Variants in PLB1 observed in about 807,000 individuals in gnomAD.
PLB1 encodes phospholipase B1.
PLB1 carries 242 observed loss-of-function variants against 227.4 expected under a neutral mutation model. The observed-to-expected ratio is 1.06, with a 90% CI of 0.96 to 1.18. The LOEUF is 1.18. Among genes scored for constraint, PLB1 ranks in the 50% most tolerant of loss-of-function variants. PLB1 has a pLI of 0.00. For synonymous variants in PLB1, 757 were observed against 682.2 expected, an observed-to-expected ratio of 1.11 and a Z score of -1.71; for missense variants, 1,858 against 1,816.3, an observed-to-expected ratio of 1.02 and a Z score of -0.42.
At chr2:28,619,204 A>G (rs72795524) in intron 46 of PLB1, among the ~76,000 whole-genome samples, 2,116 of 152,124 alleles carry the variant, frequency 0.014, 19 homozygotes, top group Non-Finnish European at 0.022. Context: ...CACACCCTCC[A>G]CTGTCTGATA....
intron 6 of PLB1, among the ~76,000 whole-genome samples, chr2:28,528,102 G>A (rs1405927422): frequency 1.3e-5 from 2 of 152,200 alleles, no homozygotes; most frequent in Non-Finnish European, 2.9e-5. Flanking sequence ...TCACCCACGA[G>A]TTAGGAGGCT....
chr2:28,599,943 C>G lies in PLB1; in HGVS notation c.2475-866C>G, dbSNP rs148817453. Among the ~76,000 whole-genome samples, 520 of 152,136 alleles carry G rather than the reference C, an allele frequency of 3.4e-3. 3 individuals are homozygous for G. Among genetic ancestry groups the G allele is most frequent in the African/African-American group, 0.012 (491 of 41,488 alleles). On this transcript the variant is annotated intron_variant, in intron 35 of 57. Transcript: ENST00000327757. ...TTTGTTTTTAAGATGGGGTTTCACT[C>G]TGTCACCTAGGCTGAGTGCTATGGC...
In PLB1 at chr2:28,541,737, A is replaced by G. The variant is rs146975263; in HGVS notation, c.805A>G (p.Arg269Gly). ...CTGGAACAGCCTCCTGGCCTCCAGC[A>G]GGTACAGTGAGCAGGAGTCCTTCAC... is the stretch of plus-strand genomic sequence containing the variant. Reference protein sequence around the residue: ...EAWNSLLASSRYSEQESFTVV... With the variant: ...EAWNSLLASSGYSEQESFTVV... The change falls in exon 13 of 58, where the codon AGG (arginine) becomes GGG (glycine). Residue 269 changes from arginine (R) to glycine (G), a missense_variant. By Grantham distance (125) the Arg-to-Gly change is moderately radical (BLOSUM62 -2). Coordinates refer to ENST00000327757, the MANE Select transcript of PLB1 (RefSeq NM_153021.5). 497 of 1,614,030 alleles carry G rather than the reference A, an allele frequency of 3.1e-4. No individual in the cohort carries two copies. The highest frequency in any genetic ancestry group is 3.8e-4 in the Non-Finnish European group (445 of 1,179,988).
intron 35 of PLB1, 142 bp downstream of exon 35, chr2:28,598,902 C>A: frequency 2.8e-6 from 2 of 708,836 alleles, no homozygotes; most frequent in Non-Finnish European, 5.0e-6. Context: ...TCCCTGCTGC[C>A]CCTGTGACGA....
intron 25 of PLB1, among the ~76,000 whole-genome samples, chr2:28,583,869 A>G (rs1680473693): frequency 6.6e-6 from 1 of 152,140 alleles, no homozygotes. Context: ...AAAATCTGAA[A>G]TCTGAAATGC....
chr2:28,642,054 A>G (rs1392358205), intron 57 of PLB1, among the ~76,000 whole-genome samples: 1 of 152,098 alleles, frequency 6.6e-6, no homozygotes, highest in African/African-American at 2.4e-5. Context: ...TCCATCTGCT[A>G]TGAGAACATC....
chr2:28,540,969 A>G lies in PLB1; in HGVS notation c.774+528A>G, dbSNP rs141873167. On this transcript the variant is annotated intron_variant, in intron 12 of 57. Coordinates refer to ENST00000327757, the MANE Select transcript of PLB1 (RefSeq NM_153021.5). ...GCAGATCACTTGAGGTCAGGAGTTC[A>G]AGACCAGTCTGGGCAACATAGTGAA... is the stretch of plus-strand genomic sequence containing the variant. 7.3e-3 allele frequency among the ~76,000 whole-genome samples: 1,112 copies of G among 152,214 alleles called. 16 individuals are homozygous for G. The highest frequency in any genetic ancestry group is 0.025 in the African/African-American group (1,058 of 41,524).
intron 55 of PLB1, 81 bp downstream of exon 55, chr2:28,632,221 CT>C (rs3071742): frequency 0.15 from 125,669 of 854,550 alleles, 2,314 homozygotes; most frequent in African/African-American, 0.33. Flanking sequence ...TCTAAGTGGG[CT>C]TTTTTTTTTT....
intron 6 of PLB1, among the ~76,000 whole-genome samples, chr2:28,527,320 A>C (rs1670402752): frequency 6.6e-6 from 1 of 152,204 alleles, no homozygotes; most frequent in Non-Finnish European, 1.5e-5. Context: ...AAGCCCTCCG[A>C]GGCAGGCCTT....
Position 28,591,766 on chromosome 2 carries a change from C to A in PLB1, c.2188+6C>A. ...TGCCTTGCACCCTACCTCAGGTAAG[C>A]CCCCTATGGCACAGCAGGACCCAGG... is the stretch of plus-strand genomic sequence containing the variant. On this transcript the variant is annotated splice_donor_region_variant and intron_variant, in intron 31 of 57. Transcript: ENST00000327757. The A allele has an allele frequency of 1.9e-6, 3 of 1,613,576 alleles. No individual in the cohort carries two copies. The highest frequency in any genetic ancestry group is 2.5e-6 in the Non-Finnish European group (3 of 1,179,852).
chr2:28,615,339 T>C (rs1686039827), intron 44 of PLB1, among the ~76,000 whole-genome samples: 2 of 152,044 alleles, frequency 1.3e-5, no homozygotes, highest in South Asian at 2.1e-4. Flanking sequence ...TGGAGAAAGA[T>C]GGGAAGGCAT....
At position 28,609,837 on chromosome 2, in the gene PLB1, A is replaced by G. The variant is rs180789529; in HGVS notation, c.3129+3270A>G. Reference sequence around the variant, plus strand: ...GATTCTTACCAGTCCTCCAGAATCTAATAGGATTCTTCCCACCTGTCCCTC... The same window carrying G: ...GATTCTTACCAGTCCTCCAGAATCTGATAGGATTCTTCCCACCTGTCCCTC... On this transcript the variant is annotated intron_variant, in intron 43 of 57. Transcript: ENST00000327757. Among the ~76,000 whole-genome samples, 376 of 152,308 alleles carry G rather than the reference A, an allele frequency of 2.5e-3. 3 individuals are homozygous for G. The highest frequency in any genetic ancestry group is 3.6e-3 in the Non-Finnish European group (242 of 68,020).
At chr2:28,640,701 T>G (rs1573623826) in intron 56 of PLB1, among the ~76,000 whole-genome samples, 1 of 152,244 alleles carries the variant, frequency 6.6e-6, no homozygotes, top group South Asian at 2.1e-4. Flanking sequence ...AGACTCAGGG[T>G]TCTGCCCTGC....
chr2:28,520,075 T>C (rs981786086), intron 4 of PLB1, among the ~76,000 whole-genome samples: 1 of 151,928 alleles, frequency 6.6e-6, no homozygotes, highest in Non-Finnish European at 1.5e-5. Flanking sequence ...ATTACAGGCA[T>C]GCGCCACCAT....
intron 18 of PLB1, 99 bp from the exon 19 acceptor site, chr2:28,565,180 TG>T (rs2148241683): frequency 1.0e-6 from 1 of 958,120 alleles, no homozygotes; most frequent in Non-Finnish European, 1.6e-6. Flanking sequence ...AGTGCCCAGG[TG>T]GTCCTGGCCA....
chr2:28,562,203 G>A (rs189419615), intron 17 of PLB1, among the ~76,000 whole-genome samples: 8 of 152,200 alleles, frequency 5.3e-5, no homozygotes, highest in African/African-American at 1.9e-4. Context: ...CCACTGAACT[G>A]TTCACCTTTA....
chr2:28,568,908 A>G (rs1487454644), intron 20 of PLB1, among the ~76,000 whole-genome samples: 1 of 152,224 alleles, frequency 6.6e-6, no homozygotes, highest in East Asian at 1.9e-4. Flanking sequence ...GTAGCTGGGT[A>G]GACTGTGCTG....
intron 56 of PLB1, among the ~76,000 whole-genome samples, chr2:28,640,439 G>A (rs1247084959): frequency 2.0e-5 from 3 of 152,214 alleles, no homozygotes; most frequent in Non-Finnish European, 4.4e-5. Context: ...AGGTTGACAA[G>A]TCAAGTGCAG....
rs184557874 is a variant in PLB1 at position 28,529,307 on chromosome 2, C to A, written c.326-10C>A. On this transcript the variant is annotated splice_polypyrimidine_tract_variant and intron_variant, in intron 6 of 57. Coordinates refer to ENST00000327757, the MANE Select transcript of PLB1 (RefSeq NM_153021.5). ...TGAAGGCCAGGGCCTCAAACCAGTT[C>A]TCTCTTTAGTCCTTTCAGACATCAT... The A allele has an allele frequency of 1.9e-5, 30 of 1,594,020 alleles. No individual in the cohort carries two copies. In the African/African-American group the frequency reaches 3.5e-4, roughly 19 times the overall value.
Sources: allele counts gnomAD v4.1 joint callset (sites outside exome capture counted in the v4.1 genomes callset), GRCh38; gene constraint gnomAD v4.1.1; transcripts MANE v1.5; gene names NCBI Gene and HGNC (gene_info 2026-07-23, HGNC 2026-07-21).